The following SATB2 variants were observed in gnomAD, a reference collection of about 807,000 sequenced individuals.
The protein encoded by SATB2 is SATB homeobox 2, also known as DNA-binding protein SATB2.
A neutral mutation model predicts 73.4 loss-of-function variants in SATB2; 1 was observed. The observed-to-expected ratio is 0.01, with a 90% CI of 0.00 to 0.06. The LOEUF is 0.06. SATB2 is among the 10% of genes least tolerant of loss of function. The pLI, the probability that SATB2 is intolerant of heterozygous loss-of-function variation, is 1.00. For synonymous variants in SATB2, 397 were observed against 367.0 expected (o/e 1.08, Z -0.93); for missense variants, 459 against 945.8 (o/e 0.49, Z 6.75).
At chr2:199,331,448 A>C (rs1041035475) in intron 7 of SATB2, among the ~76,000 whole-genome samples, 1 of 152,142 alleles carries the variant, frequency 6.6e-6, no homozygotes, top group Non-Finnish European at 1.5e-5. Flanking sequence ...TAAAGTCTCA[A>C]ACCAACAAGG....
intron 3 of SATB2, among the ~76,000 whole-genome samples, chr2:199,388,388 T>C (rs1371769630): frequency 6.6e-6 from 1 of 152,168 alleles, no homozygotes; most frequent in Non-Finnish European, 1.5e-5. Context: ...CCCCTGTACC[T>C]TAAATATGAG....
chr2:199,468,017 G>A (rs1042542755), upstream of SATB2: 1 of 151,596 alleles, frequency 6.6e-6, no homozygotes, highest in Non-Finnish European at 1.5e-5. Flanking sequence ...CACCCTCCAC[G>A]CCCCACTCTT....
At chr2:199,350,816 A>G (rs570534599) in intron 6 of SATB2, among the ~76,000 whole-genome samples, 1 of 152,112 alleles carries the variant, frequency 6.6e-6, no homozygotes, top group African/African-American at 2.4e-5. Context: ...TGAGGTCAGG[A>G]GTTTGATACC....
At chr2:199,459,597 C>T (rs1692417154), upstream of SATB2, 1 of 152,794 alleles carries the variant, frequency 6.5e-6, no homozygotes, top group Non-Finnish European at 1.5e-5. This position sits in a 1 kb window ranked among gnomAD's most constrained non-coding sequence, Gnocchi z 4.2. Context: ...ACTGGTTGCA[C>T]CTCATGTCCC....
chr2:199,374,109 T>G (rs1432155369), intron 5 of SATB2, among the ~76,000 whole-genome samples: 1 of 152,208 alleles, frequency 6.6e-6, no homozygotes. Context: ...GAAATAATTA[T>G]CCTACAATCT....
intron 6 of SATB2, among the ~76,000 whole-genome samples, chr2:199,360,359 A>G (rs963804446): frequency 2.6e-5 from 4 of 152,064 alleles, no homozygotes; most frequent in African/African-American, 4.8e-5. Context: ...TGAAACTAGG[A>G]GCAATCTAAA....
chr2:199,431,163 A>T (rs1408847405), intron 3 of SATB2, among the ~76,000 whole-genome samples: 1 of 152,222 alleles, frequency 6.6e-6, no homozygotes, highest in Admixed American at 6.5e-5. Context: ...ATCAAAAGTC[A>T]TATTTTGTTC....
chr2:199,449,707 T>C (rs1574640044), intron 2 of SATB2, among the ~76,000 whole-genome samples: 1 of 152,174 alleles, frequency 6.6e-6, no homozygotes. Flanking sequence ...ATTTAAGTAG[T>C]AGGATGATGA....
At chr2:199,329,089 A>T (rs1252767573) in intron 7 of SATB2, 179 bp from the exon 8 acceptor site, 4 of 661,424 alleles carry the variant, frequency 6.0e-6, no homozygotes, top group South Asian at 1.7e-5. Context: ...CTTCCGGGGG[A>T]TATGCATTAT....
rs1167236059 is a variant in SATB2 at position 199,274,819 on chromosome 2, A to C, written c.1741-2147T>G. ...CATCCTAATTATACCCGGCAGGAAA[A>C]GCAGAGCTCCAGGGATGGGGGGTGG... On this transcript the variant is annotated intron_variant, in intron 10 of 10. Coordinates refer to ENST00000417098, the MANE Select transcript of SATB2 (RefSeq NM_001172509.2). 2.8e-5 allele frequency among the ~76,000 whole-genome samples: 4 copies of C among 143,788 alleles called. No homozygotes were observed. In the East Asian group the frequency reaches 8.2e-4, roughly 29 times the overall value. The allele number at this position is 143,788 out of a possible 152,430, so 94.3% of individuals were successfully genotyped here. A position where few individuals can be genotyped will look rare whatever the true frequency, so the allele number is the denominator to read the frequency against.
intron 2 of SATB2, among the ~76,000 whole-genome samples, chr2:199,440,872 T>A (rs956328815): frequency 6.7e-6 from 1 of 148,504 alleles, no homozygotes; most frequent in African/African-American, 2.5e-5. Flanking sequence ...TTTTTTTAGA[T>A]GGAATTTCAC....
At chr2:199,333,374 A>G (rs1385542979) in intron 7 of SATB2, among the ~76,000 whole-genome samples, 3 of 152,132 alleles carry the variant, frequency 2.0e-5, no homozygotes, top group Non-Finnish European at 2.9e-5. Context: ...AAGGAGGGAG[A>G]AAGTATTATC....
chr2:199,328,667 G>A (rs763947900), intron 8 of SATB2, 31 bp downstream of exon 8: 1 of 1,558,966 alleles, frequency 6.4e-7, no homozygotes, highest in African/African-American at 1.4e-5. Flanking sequence ...CCAAGACAAA[G>A]AGTGAAAAAT....
chr2:199,438,031 C>G (rs1006692896), intron 2 of SATB2, among the ~76,000 whole-genome samples: 15 of 152,186 alleles, frequency 9.9e-5, no homozygotes, highest in African/African-American at 3.6e-4. Flanking sequence ...CAATTGAGTA[C>G]TTGAAACATA....
At chr2:199,341,660 A>G (rs1478863950) in intron 7 of SATB2, among the ~76,000 whole-genome samples, 1 of 152,230 alleles carries the variant, frequency 6.6e-6, no homozygotes, top group African/African-American at 2.4e-5. Context: ...AAAAGAAAGG[A>G]GTAAAAAATT....
chr2:199,366,784 A>T (rs1689296222), intron 6 of SATB2, among the ~76,000 whole-genome samples: 1 of 150,040 alleles, frequency 6.7e-6, no homozygotes, highest in South Asian at 2.1e-4. Context: ...TACAGCACTT[A>T]AAGATTTAAT....
intron 2 of SATB2, among the ~76,000 whole-genome samples, chr2:199,448,844 C>T (rs191925205): frequency 1.2e-4 from 18 of 152,160 alleles, no homozygotes; most frequent in East Asian, 5.8e-4. Context: ...AACTGTACTA[C>T]GATAGAACTC....
chr2:199,309,518 T>C (rs992716522), intron 9 of SATB2, among the ~76,000 whole-genome samples: 1 of 152,248 alleles, frequency 6.6e-6, no homozygotes, highest in African/African-American at 2.4e-5. Flanking sequence ...CCTCGGGCTC[T>C]AGGCCCTCTT....
intron 10 of SATB2, among the ~76,000 whole-genome samples, chr2:199,283,815 T>A (rs1273310264): frequency 1.3e-5 from 2 of 152,112 alleles, no homozygotes; most frequent in African/African-American, 4.8e-5. Context: ...TGAGTATACG[T>A]CTTTTTAATG....
Sources: allele counts gnomAD v4.1 joint callset (sites outside exome capture counted in the v4.1 genomes callset), GRCh38; gene constraint gnomAD v4.1.1; non-coding constraint Gnocchi (gnomAD v3.1); transcripts MANE v1.5; gene names NCBI Gene and HGNC (gene_info 2026-07-23, HGNC 2026-07-21).